ATXN7L1: variants seen among roughly 807,000 people sequenced by gnomAD.
ATXN7L1 encodes the protein ataxin-7-like protein 1.
A neutral mutation model predicts 70.8 loss-of-function variants in ATXN7L1; 15 were observed. The ratio of observed to expected loss-of-function variants is 0.21; its 90% CI spans 0.14 to 0.33. ATXN7L1 has a LOEUF of 0.33. Among genes scored for constraint, ATXN7L1 ranks in the 10% least tolerant of loss-of-function variants. The probability of loss-of-function intolerance (pLI) is 1.00; values close to 1 mark genes in which losing one functional copy is unlikely to be tolerated. For synonymous variants in ATXN7L1, 440 were observed against 445.1 expected (o/e 0.99, Z 0.14); for missense variants, 975 against 1,097.1 (o/e 0.89, Z 1.57).
At chr7:105,862,915 T>C in intron 2 of ATXN7L1, among the ~76,000 whole-genome samples, 1 of 152,140 alleles carries the variant, frequency 6.6e-6, no homozygotes, top group Non-Finnish European at 1.5e-5. Flanking sequence ...TCTTTGTCAC[T>C]GCCCTCTCAG....
chr7:105,765,222 T>C (rs1336154029), intron 3 of ATXN7L1, among the ~76,000 whole-genome samples: 1 of 151,118 alleles, frequency 6.6e-6, no homozygotes, highest in Non-Finnish European at 1.5e-5. Context: ...TAATCCCAGC[T>C]ACTCAGGAGG....
chr7:105,721,490 A>G (rs1302900013), intron 3 of ATXN7L1, among the ~76,000 whole-genome samples: 1 of 152,212 alleles, frequency 6.6e-6, no homozygotes, highest in Non-Finnish European at 1.5e-5. Flanking sequence ...CAGCTGGGGC[A>G]CCGCTCTGCT....
At chr7:105,712,802 T>C (rs1794089938) in intron 3 of ATXN7L1, among the ~76,000 whole-genome samples, 1 of 152,220 alleles carries the variant, frequency 6.6e-6, no homozygotes, top group Non-Finnish European at 1.5e-5. Flanking sequence ...CTTGTCTTCT[T>C]CTGAGCCCTC....
At chr7:105,777,669 A>T (rs986190094) in intron 3 of ATXN7L1, among the ~76,000 whole-genome samples, 1 of 152,184 alleles carries the variant, frequency 6.6e-6, no homozygotes, top group Non-Finnish European at 1.5e-5. Context: ...CACGGCTACC[A>T]CGATGATCTG....
chr7:105,711,863 C>T (rs537753121), intron 3 of ATXN7L1, among the ~76,000 whole-genome samples: 4 of 152,258 alleles, frequency 2.6e-5, no homozygotes, highest in Non-Finnish European at 4.4e-5. Flanking sequence ...TCCAACCCCA[C>T]ATTTCACCTC....
chr7:105,713,186 AT>A (rs1418330301), intron 3 of ATXN7L1, among the ~76,000 whole-genome samples: 1 of 152,178 alleles, frequency 6.6e-6, no homozygotes, highest in Non-Finnish European at 1.5e-5. Context: ...CAAGGGGGAA[AT>A]TCACCCCCAT....
Position 105,692,370 on chromosome 7 carries a change from TTTCCTTCCTTCCTTCCTTCC to T in ATXN7L1, c.356-27102_356-27083del, listed in dbSNP as rs60485799. 3.9e-4 allele frequency among the ~76,000 whole-genome samples: 37 copies of T among 94,606 alleles called. 1 individual carries two copies. The highest frequency in any genetic ancestry group is 9.5e-4 in the Admixed American group (8 of 8,462). 62.1% of individuals were successfully genotyped at this position (94,606 alleles called of 152,430 possible). The stretch of plus-strand genomic sequence containing the variant: ...GGGACATGCTGGATGAATTTCTTTC[TTTCCTTCCTTCCTTCCTTCC>T]TTCCTTCCTTCCTTCCTTCCTTCCT... On this transcript the variant is annotated intron_variant, in intron 3 of 11. Transcript: ENST00000419735.
intron 3 of ATXN7L1, among the ~76,000 whole-genome samples, chr7:105,780,886 G>A (rs1803426305): frequency 6.6e-6 from 1 of 152,104 alleles, no homozygotes; most frequent in African/African-American, 2.4e-5. Flanking sequence ...AGTCATTTCT[G>A]GGCATAAACA....
intron 2 of ATXN7L1, among the ~76,000 whole-genome samples, chr7:105,808,979 C>G (rs765669663): frequency 5.9e-5 from 9 of 152,202 alleles, no homozygotes; most frequent in African/African-American, 9.6e-5. Context: ...TTTTATGAAG[C>G]CAACATGTGA....
At chr7:105,776,490 A>C (rs1441760362) in intron 3 of ATXN7L1, among the ~76,000 whole-genome samples, 1 of 104,906 alleles carries the variant, frequency 9.5e-6, no homozygotes, top group Non-Finnish European at 1.8e-5. Context: ...AAACAAACAA[A>C]CAACCCCCCC....
chr7:105,837,942 A>G (rs1812651255), intron 2 of ATXN7L1, among the ~76,000 whole-genome samples: 1 of 152,184 alleles, frequency 6.6e-6, no homozygotes, highest in Non-Finnish European at 1.5e-5. Flanking sequence ...TCCTAAAAGC[A>G]GGAGTCGGGC....
At chr7:105,701,084 A>G (rs967351289) in intron 3 of ATXN7L1, among the ~76,000 whole-genome samples, 1 of 152,208 alleles carries the variant, frequency 6.6e-6, no homozygotes, top group Non-Finnish European at 1.5e-5. Flanking sequence ...ATGAAATTGC[A>G]AAAAGTGTGT....
intron 3 of ATXN7L1, among the ~76,000 whole-genome samples, chr7:105,699,461 T>C (rs1184935701): frequency 1.3e-5 from 2 of 152,196 alleles, no homozygotes; most frequent in South Asian, 2.1e-4. Flanking sequence ...TCTTAAGTGG[T>C]ATACTTTGAA....
At chr7:105,798,497 G>A (rs1158235818) in intron 2 of ATXN7L1, among the ~76,000 whole-genome samples, 1 of 152,210 alleles carries the variant, frequency 6.6e-6, no homozygotes, top group African/African-American at 2.4e-5. Context: ...GGCAATCTGA[G>A]CCCAACCTGG....
In ATXN7L1 at chr7:105,610,542, C is replaced by T; in HGVS notation, c.2534G>A (p.Gly845Glu). The change falls in exon 11 of 12, where the codon GGA (glycine) becomes GAA (glutamate). Residue 845 changes from glycine to glutamate, a missense_variant. This residue lies in a region of ATXN7L1 where 635 missense variants were observed against 699.4 expected (regional missense o/e 0.91). Transcript: ENST00000419735. The stretch of plus-strand genomic sequence containing the variant: ...TCAGTAACTTACCTGTCGGCTGTGT[C>T]CTGGGCTGGATATACTTGAAGGACT... Reference protein sequence around the residue: ...QSSPSSISSPGHSRQNTNRTG... With the variant: ...QSSPSSISSPEHSRQNTNRTG... 6.4e-7 allele frequency: 1 copy of T among 1,551,114 alleles called. No homozygotes were observed. The highest frequency in any genetic ancestry group is 8.7e-7 in the Non-Finnish European group (1 of 1,146,834).
rs1438550671 is a variant in ATXN7L1, at chr7:105,607,801, G to T, written c.*51C>A. 4 of 1,512,888 alleles carry T rather than the reference G, an allele frequency of 2.6e-6. No homozygotes were observed. In the East Asian group the frequency reaches 9.8e-5, roughly 37 times the overall value. 93.7% of individuals were successfully genotyped at this position (1,512,888 alleles called of 1,614,324 possible). On this transcript the variant is annotated 3_prime_UTR_variant, in exon 12 of 12. Transcript: ENST00000419735. Reference sequence around the variant, plus strand: ...CCCTCCTCCTCCCCATGGCCTCCTCGGATGGGATTAGGTGGCCTGGAATTG... The same window carrying T: ...CCCTCCTCCTCCCCATGGCCTCCTCTGATGGGATTAGGTGGCCTGGAATTG...
chr7:105,799,126 C>T, intron 2 of ATXN7L1, among the ~76,000 whole-genome samples: 1 of 152,240 alleles, frequency 6.6e-6, no homozygotes, highest in East Asian at 1.9e-4. Context: ...TGCAGGACTA[C>T]ACTGGAAGAG....
At chr7:105,705,891 AC>A (rs1793099082) in intron 3 of ATXN7L1, among the ~76,000 whole-genome samples, 1 of 152,052 alleles carries the variant, frequency 6.6e-6, no homozygotes, top group African/African-American at 2.4e-5. Flanking sequence ...CCACCTTAGC[AC>A]CTGGCACGTG....
At position 105,837,885 on chromosome 7, in the gene ATXN7L1, C is replaced by A. The variant is rs370632307; in HGVS notation, c.250+37927G>T. ...GGACGTTTGCCAAATGCCTGCCTCC[C>A]TCGTGAATGAACACTACACATGTGC... On this transcript the variant is annotated intron_variant, in intron 2 of 11. Coordinates refer to ENST00000419735, the MANE Select transcript of ATXN7L1 (RefSeq NM_020725.2). 4.6e-5 allele frequency among the ~76,000 whole-genome samples: 7 copies of A among 152,084 alleles called. No homozygotes were observed. In the East Asian group the frequency reaches 1.3e-3, roughly 29 times the overall value.
Sources: gnomAD v4.1 joint callset for allele counts (sites outside exome capture counted in the v4.1 genomes callset) on GRCh38, gnomAD v4.1.1 for gene constraint, gnomAD v4.1.1 regional missense constraint, MANE v1.5 for transcripts, NCBI Gene and HGNC (gene_info 2026-07-23, HGNC 2026-07-21) for gene names.